Variants in UBE2H observed in about 807,000 individuals in gnomAD.
UBE2H encodes ubiquitin conjugating enzyme E2 H, also known as ubiquitin-conjugating enzyme E2 H.
A neutral mutation model predicts 29.0 loss-of-function variants in UBE2H; 3 were observed. That is an observed-to-expected ratio of 0.10 (90% CI 0.05 to 0.27). The LOEUF is 0.27. UBE2H is among the 10% of genes least tolerant of loss of function. The pLI, the probability that UBE2H is intolerant of heterozygous loss-of-function variation, is 1.00. For synonymous variants in UBE2H, 69 were observed against 82.9 expected (o/e 0.83, Z 0.91); for missense variants, 68 against 228.2 (o/e 0.30, Z 4.52).
At chr7:129,848,412 G>A (rs1805549524) in intron 5 of UBE2H, among the ~76,000 whole-genome samples, 1 of 152,142 alleles carries the variant, frequency 6.6e-6, no homozygotes, top group Non-Finnish European at 1.5e-5. Flanking sequence ...TACTGTCTAA[G>A]GTATTTATCT....
At chr7:129,890,387 A>AT (rs993321614) in intron 1 of UBE2H, among the ~76,000 whole-genome samples, 2 of 151,198 alleles carry the variant, frequency 1.3e-5, no homozygotes, top group South Asian at 2.1e-4. Flanking sequence ...TTATATATAT[A>AT]TTTTTTTTAA....
chr7:129,871,386 C>T (rs969175428), intron 3 of UBE2H, among the ~76,000 whole-genome samples: 1 of 152,208 alleles, frequency 6.6e-6, no homozygotes, highest in African/African-American at 2.4e-5. Flanking sequence ...TCCTTACTTA[C>T]TAGAACCTTG....
rs1805292129 is a variant in UBE2H at position 129,834,792 on chromosome 7, T to C, written c.*145A>G. 3 of 899,406 alleles carry C rather than the reference T, an allele frequency of 3.3e-6. No homozygotes were observed. Among genetic ancestry groups the C allele is most frequent in the Non-Finnish European group, 4.8e-6 (3 of 626,018 alleles). 55.7% of individuals were successfully genotyped at this position (899,406 alleles called of 1,614,324 possible). On this transcript the variant is annotated 3_prime_UTR_variant, in exon 7 of 7. Transcript: ENST00000355621. Reference sequence around the variant, plus strand: ...CAAGAAATCAAGATCTAAAGGGTGATATATAATATATATATATCAATGCTA... The same window carrying C: ...CAAGAAATCAAGATCTAAAGGGTGACATATAATATATATATATCAATGCTA...
intron 3 of UBE2H, among the ~76,000 whole-genome samples, chr7:129,865,736 A>G (rs1454396473): frequency 6.6e-6 from 1 of 152,278 alleles, no homozygotes; most frequent in African/African-American, 2.4e-5. Context: ...TATCTTCAGA[A>G]CAACTGCCCA....
chr7:129,883,641 C>T (rs910384850), intron 1 of UBE2H, among the ~76,000 whole-genome samples: 4 of 152,126 alleles, frequency 2.6e-5, no homozygotes, highest in African/African-American at 4.8e-5. Flanking sequence ...CAGGAGTTTG[C>T]GACCAGCCTG....
Position 129,831,474 on chromosome 7 carries a change from T to C in UBE2H, c.*3463A>G, listed in dbSNP as rs891829362. ...CCAACGGGAGGCCTAACATAAAGCA[T>C]GTGCCAGGCCAATGCCAACTAGGAC... On this transcript the variant is annotated 3_prime_UTR_variant, in exon 7 of 7. Coordinates refer to ENST00000355621, the MANE Select transcript of UBE2H (RefSeq NM_003344.4). The C allele has an allele frequency of 3.3e-5, 5 of 152,188 alleles. No homozygotes were observed. The allele number at this position is 152,188 out of a possible 1,614,324, so 9.4% of individuals were successfully genotyped here. A position where few individuals can be genotyped will look rare whatever the true frequency, so the allele number is the denominator to read the frequency against.
chr7:129,952,361 C>A, intron 1 of UBE2H, 142 bp downstream of exon 1: 1 of 1,016,416 alleles, frequency 9.8e-7, no homozygotes, highest in South Asian at 2.2e-5. Flanking sequence ...TGCCAAGGAG[C>A]CGCCGTAGGC....
intron 5 of UBE2H, among the ~76,000 whole-genome samples, chr7:129,854,063 T>TTTTTTTTTTTTTTTATTTTTA (rs1563022957): frequency 1.2e-4 from 18 of 146,496 alleles, no homozygotes; most frequent in South Asian, 4.3e-4. Context: ...AGTGTTAGTT[T>TTTTTTTTTTTTTTTATTTTTA]TTTTTTTTTT....
At chr7:129,871,074 T>G (rs1178665101) in intron 3 of UBE2H, among the ~76,000 whole-genome samples, 1 of 152,260 alleles carries the variant, frequency 6.6e-6, no homozygotes, top group African/African-American at 2.4e-5. Context: ...CCATTAATTC[T>G]CTGCATAAAG....
chr7:129,878,614 C>T (rs1026351043), intron 3 of UBE2H, among the ~76,000 whole-genome samples: 4 of 138,294 alleles, frequency 2.9e-5, no homozygotes, highest in Admixed American at 1.6e-4. Context: ...ACCCAGGAGG[C>T]GGACCTTGCA....
Position 129,923,601 on chromosome 7 carries a change from T to C in UBE2H, c.53+28902A>G, listed in dbSNP as rs985489905. On this transcript the variant is annotated intron_variant, in intron 1 of 6. Coordinates refer to ENST00000355621, the MANE Select transcript of UBE2H (RefSeq NM_003344.4). ...GAATCTATAACACCTTGGCCAGATG[T>C]GGTGGCTCACACCTGTAATCTCAGG... is the stretch of plus-strand genomic sequence containing the variant. Among the ~76,000 whole-genome samples the C allele has an allele frequency of 3.9e-5, 6 of 152,234 alleles. No individual in the cohort carries two copies. In the South Asian group the frequency reaches 1.2e-3, roughly 32 times the overall value.
chr7:129,936,368 G>A (rs1460451073), intron 1 of UBE2H, among the ~76,000 whole-genome samples: 2 of 152,114 alleles, frequency 1.3e-5, no homozygotes, highest in Non-Finnish European at 2.9e-5. Context: ...GCCGAGGCGG[G>A]CAGATCACGA....
intron 1 of UBE2H, among the ~76,000 whole-genome samples, chr7:129,932,015 G>A (rs1807413147): frequency 6.6e-6 from 1 of 151,536 alleles, no homozygotes; most frequent in African/African-American, 2.4e-5. Flanking sequence ...GTAGAGATGG[G>A]GTTTCACTGT....
intron 1 of UBE2H, among the ~76,000 whole-genome samples, chr7:129,923,838 A>T (rs534833011): frequency 9.2e-5 from 14 of 152,318 alleles, no homozygotes; most frequent in African/African-American, 2.6e-4. Flanking sequence ...AGGGAACTGT[A>T]AGTTTCCATC....
At chr7:129,887,824 G>C (rs1048915505) in intron 1 of UBE2H, among the ~76,000 whole-genome samples, 2 of 151,936 alleles carry the variant, frequency 1.3e-5, no homozygotes, top group Admixed American at 6.6e-5. Context: ...CCAAAGTTAC[G>C]GTGAGCTGAG....
At chr7:129,878,473 G>A (rs979869192) in intron 3 of UBE2H, among the ~76,000 whole-genome samples, 2 of 151,906 alleles carry the variant, frequency 1.3e-5, no homozygotes, top group Non-Finnish European at 2.9e-5. Flanking sequence ...CACGAGGTCA[G>A]GAGATCAAGA....
rs185673029 is a variant in UBE2H, at chr7:129,887,242, G to A, written c.54-6271C>T. Among the ~76,000 whole-genome samples, 760 of 119,158 alleles carry A rather than the reference G, an allele frequency of 6.4e-3. 3 individuals are homozygous for A. The highest frequency in any genetic ancestry group is 0.011 in the Non-Finnish European group (647 of 60,088). The allele number at this position is 119,158 out of a possible 152,430, so 78.2% of individuals were successfully genotyped here. ...ACTTTTTTTTTTTTTTTTTTTTTGAGATGGAGTCTTGCTCTGCCACCCAGG... is the reference window on the plus strand; with the variant it reads ...ACTTTTTTTTTTTTTTTTTTTTTGAAATGGAGTCTTGCTCTGCCACCCAGG... On this transcript the variant is annotated intron_variant, in intron 1 of 6. Transcript: ENST00000355621.
intron 5 of UBE2H, among the ~76,000 whole-genome samples, chr7:129,846,383 A>AATAATAATAATT (rs1554430021): frequency 4.8e-5 from 5 of 105,088 alleles, no homozygotes; most frequent in African/African-American, 1.7e-4. Flanking sequence ...TAATAATAAT[A>AATAATAATAATT]ATAATTGGGC....
At chr7:129,899,791 C>A (rs1381362554) in intron 1 of UBE2H, among the ~76,000 whole-genome samples, 1 of 152,156 alleles carries the variant, frequency 6.6e-6, no homozygotes, top group Non-Finnish European at 1.5e-5. Context: ...TAGTATTTTA[C>A]CTACATCTCA....
Sources: gnomAD v4.1 joint callset for allele counts (sites outside exome capture counted in the v4.1 genomes callset) on GRCh38, gnomAD v4.1.1 for gene constraint, MANE v1.5 for transcripts, NCBI Gene and HGNC (gene_info 2026-07-23, HGNC 2026-07-21) for gene names.